The following MMD2 variants were observed in gnomAD, a reference collection of about 807,000 sequenced individuals.
The protein encoded by MMD2 is monocyte to macrophage differentiation factor 2.
MMD2 carries 30 observed loss-of-function variants against 33.5 expected under a neutral mutation model. The ratio of observed to expected loss-of-function variants is 0.90; its 90% CI spans 0.67 to 1.22. The LOEUF (loss-of-function observed/expected upper bound fraction) is 1.22. Ranked by LOEUF, MMD2 falls within the 50% of genes most tolerant of loss-of-function variation. The pLI is 0.00. For missense variants in MMD2, 364 were observed against 325.4 expected (o/e 1.12, Z -0.91); for synonymous variants, 129 against 123.0 (o/e 1.05, Z -0.32).
At chr7:4,945,866 C>T (rs1352610075) in intron 1 of MMD2, among the ~76,000 whole-genome samples, 1 of 152,230 alleles carries the variant, frequency 6.6e-6, no homozygotes, top group South Asian at 2.1e-4. Flanking sequence ...TGAGCCGCCG[C>T]ACCCGGCCTC....
intron 1 of MMD2, among the ~76,000 whole-genome samples, chr7:4,952,373 T>G (rs1314692490): frequency 6.6e-6 from 1 of 152,182 alleles, no homozygotes. Context: ...TAAATCTCAC[T>G]TCCTATTTCT....
intron 1 of MMD2, among the ~76,000 whole-genome samples, chr7:4,942,923 G>A (rs1388070391): frequency 1.4e-5 from 2 of 147,038 alleles, no homozygotes; most frequent in African/African-American, 2.5e-5. Context: ...GCCCCATCCT[G>A]TCTATACTTC....
intron 1 of MMD2, among the ~76,000 whole-genome samples, chr7:4,953,155 C>T (rs1005728668): frequency 5.9e-5 from 9 of 151,886 alleles, no homozygotes; most frequent in Non-Finnish European, 8.8e-5. Context: ...TCCATCCCTA[C>T]AGTTCCCCAT....
chr7:4,958,182 G>A (rs558861974), intron 1 of MMD2, among the ~76,000 whole-genome samples: 1 of 152,260 alleles, frequency 6.6e-6, no homozygotes, highest in South Asian at 2.1e-4. Context: ...GTCTGTGCTC[G>A]CCGAAGACCA....
the MMD2 span, among the ~76,000 whole-genome samples, chr7:4,900,462 G>A: frequency 1.3e-5 from 2 of 152,210 alleles, no homozygotes; most frequent in East Asian, 3.9e-4. Context: ...AAAACAGGAA[G>A]CTCTGATCTG....
chr7:4,954,859 A>T (rs192733880), intron 1 of MMD2, among the ~76,000 whole-genome samples: 2 of 152,164 alleles, frequency 1.3e-5, no homozygotes, highest in East Asian at 3.9e-4. Flanking sequence ...AATTTATTTC[A>T]TGTTTACATC....
intron 2 of MMD2, 131 bp from the exon 3 acceptor site, chr7:4,920,462 G>T: frequency 1.2e-6 from 1 of 817,340 alleles, no homozygotes; most frequent in Non-Finnish European, 1.9e-6. Flanking sequence ...TGCCACTGAA[G>T]AACGGAATCA....
At chr7:4,945,187 T>TCTTCTTCTTCTTCTTCTTCTC (rs1786028424) in intron 1 of MMD2, among the ~76,000 whole-genome samples, 1 of 119,044 alleles carries the variant, frequency 8.4e-6, no homozygotes, top group Non-Finnish European at 1.7e-5. Context: ...TCTTCCTCTT[T>TCTTCTTCTTCTTCTTCTTCTC]CTTCTTCTTC....
intron 1 of MMD2, among the ~76,000 whole-genome samples, chr7:4,926,879 G>A (rs1785443610): frequency 6.6e-6 from 1 of 151,968 alleles, no homozygotes; most frequent in African/African-American, 2.4e-5. Flanking sequence ...TGAGTAGCTG[G>A]GACTACAGGC....
intron 1 of MMD2, among the ~76,000 whole-genome samples, chr7:4,932,710 C>T (rs780314818): frequency 6.6e-6 from 1 of 151,806 alleles, no homozygotes; most frequent in Non-Finnish European, 1.5e-5. Context: ...GCAGCTTCCA[C>T]CTCTTGGGTT....
chr7:4,899,574 G>C, the MMD2 span, among the ~76,000 whole-genome samples: 1 of 151,968 alleles, frequency 6.6e-6, no homozygotes. Context: ...TTTTAGTAGA[G>C]ACAGTGGGAG....
At chr7:4,943,732 T>G (rs1785975597) in intron 1 of MMD2, among the ~76,000 whole-genome samples, 1 of 152,080 alleles carries the variant, frequency 6.6e-6, no homozygotes, top group African/African-American at 2.4e-5. Context: ...CCTAGACACT[T>G]CACAAACTGC....
intron 1 of MMD2, among the ~76,000 whole-genome samples, chr7:4,955,641 G>A (rs577905327): frequency 7.2e-4 from 110 of 152,058 alleles, no homozygotes; most frequent in African/African-American, 2.4e-3. Context: ...ATAATGCCTT[G>A]GATATAAAGA....
the MMD2 span, among the ~76,000 whole-genome samples, chr7:4,900,327 G>A: frequency 2.6e-5 from 4 of 152,160 alleles, no homozygotes; most frequent in Admixed American, 2.6e-4. Context: ...AATACAAGAA[G>A]AGGGATGTGA....
intron 1 of MMD2, among the ~76,000 whole-genome samples, chr7:4,956,304 T>C (rs1490195074): frequency 6.6e-6 from 1 of 151,872 alleles, no homozygotes; most frequent in African/African-American, 2.4e-5. Flanking sequence ...TGCACACCTG[T>C]AGTCCCAGCT....
At chr7:4,920,070 T>A (rs767971753) in intron 3 of MMD2, 101 bp downstream of exon 3, 12 of 1,343,560 alleles carry the variant, frequency 8.9e-6, no homozygotes, top group Non-Finnish European at 1.1e-5. Context: ...GTGGAGAATG[T>A]CACCAGGCAG....
intron 1 of MMD2, among the ~76,000 whole-genome samples, chr7:4,949,997 T>C (rs1368038585): frequency 6.6e-6 from 1 of 152,200 alleles, no homozygotes; most frequent in Non-Finnish European, 1.5e-5. Context: ...TTTTTTTCAC[T>C]GTGGTAAAAC....
Position 4,907,495 on chromosome 7 carries a change from G to A in MMD2, c.642C>T (p.Ile214=). 6.2e-7 allele frequency: 1 copy of A among 1,613,976 alleles called. No homozygotes were observed. Among genetic ancestry groups the A allele is most frequent in the Non-Finnish European group, 8.5e-7 (1 of 1,179,904 alleles). Residue 214 remains isoleucine (I), a synonymous_variant, in exon 7 of 7, where the codon ATC becomes ATT. Coordinates refer to ENST00000401401, the MANE Select transcript of MMD2 (RefSeq NM_198403.4). ...CACCAAATGCTACAAAGAGATGCCA[G>A]ATGGCGTGGGCAAAGGGGATCCTCC... ...SDGRIPFAHA[I]WHLFVAFGAG...
chr7:4,935,129 G>A (rs568428427), intron 1 of MMD2, among the ~76,000 whole-genome samples: 4 of 152,076 alleles, frequency 2.6e-5, no homozygotes, highest in South Asian at 2.1e-4. Flanking sequence ...GAGGTTGCAC[G>A]GAGCCGAGAT....
Sources: gnomAD v4.1 joint callset for allele counts (sites outside exome capture counted in the v4.1 genomes callset) on GRCh38, gnomAD v4.1.1 for gene constraint, MANE v1.5 for transcripts, NCBI Gene and HGNC (gene_info 2026-07-23, HGNC 2026-07-21) for gene names.